Variants in MYH15 observed in about 807,000 individuals in gnomAD.
MYH15 encodes the protein myosin-15.
Under a neutral mutation model 240.5 loss-of-function variants are expected in MYH15, and 227 were observed. The observed-to-expected ratio is 0.94, with a 90% CI of 0.85 to 1.05. MYH15 has a LOEUF of 1.05. Ranked by LOEUF, MYH15 falls within the 50% of genes least tolerant of loss-of-function variation. MYH15 has a pLI of 0.00. For synonymous variants in MYH15, 785 were observed against 796.7 expected, an observed-to-expected ratio of 0.99 and a Z score of 0.25; for missense variants, 2,217 against 2,247.5, an observed-to-expected ratio of 0.99 and a Z score of 0.27.
At chr3:108,479,414 G>T (rs193050454) in intron 11 of MYH15, among the ~76,000 whole-genome samples, 1 of 152,314 alleles carries the variant, frequency 6.6e-6, no homozygotes, top group African/African-American at 2.4e-5. Flanking sequence ...AAGCAGGTTA[G>T]GGGCTGGGCC....
intron 35 of MYH15, among the ~76,000 whole-genome samples, chr3:108,397,573 G>A (rs904446772): frequency 2.0e-5 from 3 of 152,196 alleles, no homozygotes; most frequent in African/African-American, 7.2e-5. Context: ...TACCAGTCCA[G>A]GTTATGGTGG....
chr3:108,456,691 T>G (rs2083022616), intron 19 of MYH15, 75 bp downstream of exon 19: 1 of 1,070,944 alleles, frequency 9.3e-7, no homozygotes, highest in Non-Finnish European at 1.4e-6. Flanking sequence ...AAACAATGCA[T>G]GCCTAAACAC....
In MYH15 at chr3:108,417,030, C is replaced by T. The variant is rs375894058; in HGVS notation, c.3830-100G>A. On this transcript the variant is annotated intron_variant, in intron 28 of 40. Coordinates refer to ENST00000693548, the MANE Select transcript of MYH15 (RefSeq NM_014981.3). ...TTAAGGGTAGCCAGAATGACTCCTA[C>T]CCACATATTTTTGATATTTAGGAAG... 386 of 868,666 alleles carry T rather than the reference C, an allele frequency of 4.4e-4. No homozygotes were observed. In the African/African-American group the frequency reaches 5.8e-3, roughly 13 times the overall value. 53.8% of individuals were successfully genotyped at this position (868,666 alleles called of 1,614,324 possible). A position where few individuals can be genotyped will look rare whatever the true frequency, so the allele number is the denominator to read the frequency against.
the MYH15 span, among the ~76,000 whole-genome samples, chr3:108,538,546 A>G: frequency 6.6e-6 from 1 of 152,248 alleles, no homozygotes; most frequent in African/African-American, 2.4e-5. Flanking sequence ...AAGATTGGGA[A>G]GAAGATAAAA....
At chr3:108,538,887 T>G in the MYH15 span, among the ~76,000 whole-genome samples, 1 of 152,162 alleles carries the variant, frequency 6.6e-6, no homozygotes, top group Non-Finnish European at 1.5e-5. Context: ...GTCTTCTTGC[T>G]GCACATCACC....
At chr3:108,392,709 T>C (rs1351856261) in intron 36 of MYH15, among the ~76,000 whole-genome samples, 1 of 152,192 alleles carries the variant, frequency 6.6e-6, no homozygotes, top group East Asian at 1.9e-4. Context: ...GTGGGAGGCT[T>C]GGAGGCTGGG....
At chr3:108,526,445 C>T (rs1028077899) in intron 1 of MYH15, among the ~76,000 whole-genome samples, 8 of 152,126 alleles carry the variant, frequency 5.3e-5, no homozygotes, top group African/African-American at 1.9e-4. Context: ...GATCTATTCA[C>T]AGGTTTCCAG....
At chr3:108,414,171 A>G in intron 30 of MYH15, 61 bp downstream of exon 30, 1 of 1,534,732 alleles carries the variant, frequency 6.5e-7, no homozygotes, top group Non-Finnish European at 8.9e-7. Flanking sequence ...AGACAGAGTC[A>G]TTATTCTCAT....
chr3:108,395,150 TC>T (rs2082450296), intron 35 of MYH15, among the ~76,000 whole-genome samples: 1 of 152,178 alleles, frequency 6.6e-6, no homozygotes, highest in African/African-American at 2.4e-5. Context: ...ACAGCTGTGG[TC>T]CCAGTTATTC....
At chr3:108,388,798 A>G (rs1474290335) in intron 38 of MYH15, among the ~76,000 whole-genome samples, 172 bp downstream of exon 38, 1 of 152,198 alleles carries the variant, frequency 6.6e-6, no homozygotes, top group Non-Finnish European at 1.5e-5. Context: ...GACCGATCCA[A>G]ACCACTAATA....
chr3:108,410,920 T>C lies in MYH15; in HGVS notation c.4158A>G (p.Ala1386=), dbSNP rs1018810686. The change falls in exon 31 of 41, where the codon GCA becomes GCG. Residue 1386 remains alanine (A), a synonymous_variant. Coordinates refer to ENST00000693548, the MANE Select transcript of MYH15 (RefSeq NM_014981.3). ...CTTCGGCTGCCTCCTGCAATCTAAT[T>C]GCCAGTTCCTTCCTGAGAAAGGAGG... ...EDLEDAKKEL[A]IRLQEAAEAM... is the part of the protein sequence containing the mutation. The C allele has an allele frequency of 3.1e-6, 5 of 1,597,322 alleles. No homozygotes were observed. Among genetic ancestry groups the C allele is most frequent in the Non-Finnish European group, 4.3e-6 (5 of 1,167,212 alleles).
intron 27 of MYH15, among the ~76,000 whole-genome samples, chr3:108,427,237 G>T (rs928421438): frequency 1.3e-5 from 2 of 152,188 alleles, no homozygotes; most frequent in African/African-American, 2.4e-5. Context: ...ACATAAATTT[G>T]GGGGGCCAGA....
rs530786348 is a variant in MYH15, at chr3:108,413,675, A to G, written c.4145+557T>C. ...TTAAAACCTTTACATAGAAATGGCT[A>G]TAAAATTGATATTCTAATCTTAGGG... is the stretch of plus-strand genomic sequence containing the variant. On this transcript the variant is annotated intron_variant, in intron 30 of 40. Transcript: ENST00000693548. Among the ~76,000 whole-genome samples the G allele has an allele frequency of 5.3e-5, 8 of 152,340 alleles. No homozygotes were observed. In the South Asian group the frequency reaches 1.7e-3, roughly 32 times the overall value.
chr3:108,383,496 G>C, intron 40 of MYH15, 99 bp downstream of exon 40: 1 of 1,315,524 alleles, frequency 7.6e-7, no homozygotes, highest in Non-Finnish European at 1.0e-6. Context: ...AAGCTTTTAA[G>C]GAGAAAAACA....
intron 40 of MYH15, among the ~76,000 whole-genome samples, chr3:108,382,654 T>C (rs961314156): frequency 6.6e-5 from 10 of 152,290 alleles, no homozygotes; most frequent in African/African-American, 2.4e-4. Flanking sequence ...CGTTTAAGAT[T>C]GAGGCAGTGA....
intron 35 of MYH15, 113 bp from the exon 36 acceptor site, chr3:108,394,269 A>C (rs1395168371): frequency 4.6e-6 from 6 of 1,307,230 alleles, no homozygotes; most frequent in Non-Finnish European, 6.4e-6. Flanking sequence ...AAATTTTATT[A>C]TAGTGAGCCA....
At chr3:108,457,632 A>G (rs1364867216) in intron 18 of MYH15, among the ~76,000 whole-genome samples, 1 of 86,172 alleles carries the variant, frequency 1.2e-5, no homozygotes, top group Admixed American at 1.1e-4. Context: ...CATGAAAAAT[A>G]AAAAAAAAAA....
At chr3:108,543,134 C>G in the MYH15 span, among the ~76,000 whole-genome samples, 2 of 152,174 alleles carry the variant, frequency 1.3e-5, no homozygotes, top group African/African-American at 4.8e-5. Context: ...CCGCCTTGGC[C>G]TCCCAAAGTG....
At chr3:108,491,180 G>A (rs943301633) in intron 9 of MYH15, among the ~76,000 whole-genome samples, 5 of 151,952 alleles carry the variant, frequency 3.3e-5, no homozygotes, top group African/African-American at 1.2e-4. Context: ...GAGTCACCAC[G>A]CCCAGCCTAG....
Sources: allele counts gnomAD v4.1 joint callset (sites outside exome capture counted in the v4.1 genomes callset), GRCh38; gene constraint gnomAD v4.1.1; transcripts MANE v1.5; gene names NCBI Gene and HGNC (gene_info 2026-07-23, HGNC 2026-07-21).